Variants in FAM151B observed in about 807,000 individuals in gnomAD.
The protein encoded by FAM151B is protein FAM151B.
FAM151B carries 24 observed loss-of-function variants against 31.2 expected under a neutral mutation model. That is an observed-to-expected ratio of 0.77 (90% CI 0.56 to 1.08). The LOEUF (loss-of-function observed/expected upper bound fraction) is 1.08. Ranked by LOEUF, FAM151B falls within the 50% of genes least tolerant of loss-of-function variation. The pLI is 0.00. For missense variants in FAM151B, 293 were observed against 328.6 expected, an observed-to-expected ratio of 0.89 and a Z score of 0.84; for synonymous variants, 105 against 111.4, an observed-to-expected ratio of 0.94 and a Z score of 0.36.
chr5:80,513,276 A>T (rs992960727), intron 2 of FAM151B, among the ~76,000 whole-genome samples: 4 of 152,250 alleles, frequency 2.6e-5, no homozygotes, highest in African/African-American at 9.6e-5. Flanking sequence ...TTTTATTCCC[A>T]GAAAGCTTCA....
intron 5 of FAM151B, among the ~76,000 whole-genome samples, chr5:80,538,169 G>A (rs1745607729): frequency 6.6e-6 from 1 of 151,692 alleles, no homozygotes; most frequent in South Asian, 2.1e-4. Flanking sequence ...CCGGGTTCAA[G>A]TGATTCTCCT....
intron 5 of FAM151B, among the ~76,000 whole-genome samples, chr5:80,526,859 C>T (rs982253889): frequency 1.4e-4 from 21 of 152,058 alleles, no homozygotes; most frequent in African/African-American, 4.8e-4. Flanking sequence ...GGGGTGGGGG[C>T]AGGGATTCTA....
At chr5:80,488,447 C>G (rs1371782172) in intron 1 of FAM151B, among the ~76,000 whole-genome samples, 2 of 152,248 alleles carry the variant, frequency 1.3e-5, no homozygotes, top group Non-Finnish European at 2.9e-5. Flanking sequence ...TGACGTTTCC[C>G]TAATCCTTAA....
chr5:80,492,086 G>A (rs1356976835), intron 1 of FAM151B, among the ~76,000 whole-genome samples: 1 of 152,132 alleles, frequency 6.6e-6, no homozygotes, highest in Non-Finnish European at 1.5e-5. Flanking sequence ...CTGTGATTCC[G>A]TATGATATTG....
intron 5 of FAM151B, among the ~76,000 whole-genome samples, chr5:80,532,110 A>G (rs910772602): frequency 6.6e-6 from 1 of 151,596 alleles, no homozygotes; most frequent in Non-Finnish European, 1.5e-5. Context: ...TCAGCAAACT[A>G]TCACAGGGAC....
chr5:80,498,252 A>G (rs762230738), intron 1 of FAM151B, among the ~76,000 whole-genome samples: 3 of 152,208 alleles, frequency 2.0e-5, no homozygotes, highest in African/African-American at 4.8e-5. Context: ...ACTCTATTAT[A>G]TATGCCAAAT....
chr5:80,529,474 A>C (rs1191092898), intron 5 of FAM151B, among the ~76,000 whole-genome samples: 2 of 152,170 alleles, frequency 1.3e-5, no homozygotes, highest in Non-Finnish European at 2.9e-5. Flanking sequence ...AGATCAACAA[A>C]ATTGATAGAC....
chr5:80,520,117 G>C (rs1275411023), intron 4 of FAM151B, among the ~76,000 whole-genome samples: 1 of 152,130 alleles, frequency 6.6e-6, no homozygotes, highest in Non-Finnish European at 1.5e-5. Context: ...GATTTTAAGA[G>C]AGTTCACACA....
chr5:80,530,660 C>T (rs1303627650), intron 5 of FAM151B, among the ~76,000 whole-genome samples: 2 of 152,062 alleles, frequency 1.3e-5, no homozygotes, highest in Non-Finnish European at 2.9e-5. Context: ...AATAAAATAC[C>T]TAGGAATCCA....
intron 2 of FAM151B, among the ~76,000 whole-genome samples, chr5:80,504,613 C>T (rs920626533): frequency 1.0e-4 from 15 of 143,702 alleles, no homozygotes; most frequent in South Asian, 2.2e-4. Context: ...CTCTGCCTCC[C>T]GGGTTCAAGC....
chr5:80,510,617 C>A (rs1744144074), intron 2 of FAM151B: 1 of 152,154 alleles, frequency 6.6e-6, no homozygotes, highest in African/African-American at 2.4e-5. Context: ...CTAATTGAAT[C>A]CCCAAACTAT....
intron 5 of FAM151B, among the ~76,000 whole-genome samples, chr5:80,527,205 T>C (rs1291438656): frequency 6.6e-6 from 1 of 152,050 alleles, no homozygotes; most frequent in Non-Finnish European, 1.5e-5. Flanking sequence ...GGTGGATCAC[T>C]TGAGTTCAGG....
At chr5:80,538,903 T>A (rs553531458) in intron 5 of FAM151B, among the ~76,000 whole-genome samples, 1 of 151,912 alleles carries the variant, frequency 6.6e-6, no homozygotes. Context: ...TGGTCCCCCT[T>A]CTTTTTAAAA....
chr5:80,502,875 A>G (rs1743800918), intron 2 of FAM151B, among the ~76,000 whole-genome samples: 1 of 152,216 alleles, frequency 6.6e-6, no homozygotes, highest in Non-Finnish European at 1.5e-5. Context: ...TTAATGCCTG[A>G]AACAGTGCGT....
At chr5:80,515,543 T>C (rs1343972076) in intron 3 of FAM151B, among the ~76,000 whole-genome samples, 1 of 152,192 alleles carries the variant, frequency 6.6e-6, no homozygotes, top group Non-Finnish European at 1.5e-5. Context: ...TTGAATTGTT[T>C]CCTGGGACAT....
intron 5 of FAM151B, among the ~76,000 whole-genome samples, chr5:80,535,574 A>G (rs1362539120): frequency 6.6e-6 from 1 of 152,224 alleles, no homozygotes. Flanking sequence ...CTCTTACTGT[A>G]TACCAAAATG....
At chr5:80,500,209 C>A in intron 1 of FAM151B, 1 of 508,584 alleles carries the variant, frequency 2.0e-6, no homozygotes, top group Non-Finnish European at 3.5e-6. Context: ...TCAAATATAA[C>A]AGAAATAGAT....
At chr5:80,520,789 A>G (rs1462168714) in intron 4 of FAM151B, among the ~76,000 whole-genome samples, 1 of 148,548 alleles carries the variant, frequency 6.7e-6, no homozygotes, top group Non-Finnish European at 1.5e-5. Flanking sequence ...CTATTTAGAA[A>G]CAAGCAAGTG....
At chr5:80,506,125 A>T (rs1323182826) in intron 2 of FAM151B, 27 of 985,088 alleles carry the variant, frequency 2.7e-5, no homozygotes, top group Non-Finnish European at 2.9e-5. Context: ...TTCCATTTGT[A>T]GCTCCAGGGG....
Sources: gnomAD v4.1 joint callset for allele counts (sites outside exome capture counted in the v4.1 genomes callset) on GRCh38, gnomAD v4.1.1 for gene constraint, MANE v1.5 for transcripts, NCBI Gene and HGNC (gene_info 2026-07-23, HGNC 2026-07-21) for gene names.